Variants in GFOD2 observed in about 807,000 individuals in gnomAD.
GFOD2 encodes the protein Gfo/Idh/MocA-like oxidoreductase domain containing 2.
A neutral mutation model predicts 24.6 loss-of-function variants in GFOD2; 9 were observed. The observed-to-expected ratio is 0.37, with a 90% CI of 0.22 to 0.64. GFOD2 has a LOEUF of 0.64. Among genes scored for constraint, GFOD2 ranks in the 30% least tolerant of loss-of-function variants. The pLI, the probability that GFOD2 is intolerant of heterozygous loss-of-function variation, is 0.65. For synonymous variants in GFOD2, 211 were observed against 224.8 expected (o/e 0.94, Z 0.55); for missense variants, 476 against 532.5 (o/e 0.89, Z 1.04).
intron 1 of GFOD2, among the ~76,000 whole-genome samples, chr16:67,699,392 C>T (rs1268225087): frequency 6.6e-6 from 1 of 151,954 alleles, no homozygotes; most frequent in Non-Finnish European, 1.5e-5. Flanking sequence ...AAAAAATACA[C>T]CATGACCAAC....
At chr16:67,681,633 C>T in intron 2 of GFOD2, 1 of 723,148 alleles carries the variant, frequency 1.4e-6, no homozygotes, top group Non-Finnish European at 1.7e-6. Context: ...TGGTATTTAA[C>T]TCCTGAGTTC....
At chr16:67,699,652 T>G (rs2053386298) in intron 1 of GFOD2, among the ~76,000 whole-genome samples, 1 of 151,938 alleles carries the variant, frequency 6.6e-6, no homozygotes, top group African/African-American at 2.4e-5. Context: ...CCTGGCTAAT[T>G]TTTGTACATT....
At chr16:67,681,479 G>A in intron 2 of GFOD2, 2 of 892,870 alleles carry the variant, frequency 2.2e-6, no homozygotes, top group Non-Finnish European at 2.7e-6. Context: ...TATAATCTTG[G>A]CTCATTGCAA....
chr16:67,704,437 G>A (rs1356842078), intron 1 of GFOD2, among the ~76,000 whole-genome samples: 1 of 152,138 alleles, frequency 6.6e-6, no homozygotes, highest in Non-Finnish European at 1.5e-5. Context: ...TACAGATGAG[G>A]AAACTGAGGC....
At chr16:67,708,960 G>A (rs2053455679) in intron 1 of GFOD2, among the ~76,000 whole-genome samples, 1 of 152,164 alleles carries the variant, frequency 6.6e-6, no homozygotes, top group Non-Finnish European at 1.5e-5. Context: ...CCAGAGGTGA[G>A]GGTCACGGCC....
intron 1 of GFOD2, among the ~76,000 whole-genome samples, chr16:67,698,821 T>C (rs1366925130): frequency 1.3e-5 from 2 of 152,056 alleles, no homozygotes; most frequent in African/African-American, 4.8e-5. Context: ...GTAGGTAGGA[T>C]AGAGTTTAGG....
intron 1 of GFOD2, among the ~76,000 whole-genome samples, chr16:67,700,852 G>C (rs2053397670): frequency 6.7e-6 from 1 of 149,814 alleles, no homozygotes. Context: ...GGCCAACATG[G>C]TGAAACCCCG....
At chr16:67,692,228 TAA>T (rs58414730) in intron 1 of GFOD2, among the ~76,000 whole-genome samples, 19 of 109,300 alleles carry the variant, frequency 1.7e-4, no homozygotes, top group African/African-American at 1.3e-4. Flanking sequence ...ATGAACTTGG[TAA>T]AAAAAAAAAA....
chr16:67,691,762 G>A, intron 1 of GFOD2, among the ~76,000 whole-genome samples: 1 of 152,112 alleles, frequency 6.6e-6, no homozygotes, highest in East Asian at 1.9e-4. Flanking sequence ...CCACTGATTA[G>A]TGAATGAATA....
intron 1 of GFOD2, among the ~76,000 whole-genome samples, chr16:67,686,838 AAAAG>A (rs1022554854): frequency 1.4e-4 from 22 of 151,804 alleles, no homozygotes; most frequent in South Asian, 8.3e-4. Context: ...CTCTATCCAA[AAAAG>A]AAAGAAAGAA....
intron 1 of GFOD2, among the ~76,000 whole-genome samples, chr16:67,713,044 A>C (rs1337340593): frequency 7.0e-6 from 1 of 143,624 alleles, no homozygotes; most frequent in Admixed American, 6.7e-5. Flanking sequence ...CACCACACCC[A>C]GCTAATTTTT....
chr16:67,689,933 T>C (rs1400740366), intron 1 of GFOD2, among the ~76,000 whole-genome samples: 1 of 152,198 alleles, frequency 6.6e-6, no homozygotes, highest in Non-Finnish European at 1.5e-5. Flanking sequence ...AATCATGCGT[T>C]ATTTGTGCTT....
chr16:67,693,008 C>T (rs1164274955), intron 1 of GFOD2, among the ~76,000 whole-genome samples: 2 of 150,856 alleles, frequency 1.3e-5, no homozygotes, highest in African/African-American at 2.4e-5. Context: ...CCAGCCTGGG[C>T]GACAGATTGA....
rs1331229136 is a variant in GFOD2, at chr16:67,691,516, C to CA, written c.-87-5715_-87-5714insT. ...AGTCACACTGTGCCTAGACCCCCCC[C>CA]CAAAAAAAAAAAAATTAAGACTCTG... On this transcript the variant is annotated intron_variant, in intron 1 of 2. Transcript: ENST00000268797. Among the ~76,000 whole-genome samples, 2 of 147,834 alleles carry CA rather than the reference C, an allele frequency of 1.4e-5. 1 individual carries two copies. The highest frequency in any genetic ancestry group is 1.3e-4 in the Admixed American group (2 of 14,916).
chr16:67,703,443 A>AC (rs1360327103), intron 1 of GFOD2, among the ~76,000 whole-genome samples: 1 of 152,036 alleles, frequency 6.6e-6, no homozygotes, highest in African/African-American at 2.4e-5. Flanking sequence ...GGAAAAAAAA[A>AC]CCCTGTATTT....
intron 1 of GFOD2, among the ~76,000 whole-genome samples, chr16:67,693,117 A>C (rs1192230464): frequency 6.6e-6 from 1 of 152,134 alleles, no homozygotes; most frequent in East Asian, 1.9e-4. Flanking sequence ...TTTCAAACAC[A>C]AAGTGACAGA....
At chr16:67,700,711 C>CA (rs945834632) in intron 1 of GFOD2, among the ~76,000 whole-genome samples, 27 of 150,560 alleles carry the variant, frequency 1.8e-4, no homozygotes, top group African/African-American at 6.1e-4. Context: ...GACTCCATCT[C>CA]AAAAAAACAA....
chr16:67,676,049 A>G lies in GFOD2; in HGVS notation c.264T>C (p.Ile88=), dbSNP rs758580613. The G allele has an allele frequency of 6.2e-7, 1 of 1,603,238 alleles. No individual in the cohort carries two copies. Among genetic ancestry groups the G allele is most frequent in the African/African-American group, 1.3e-5 (1 of 74,748 alleles). The change falls in exon 3 of 3, where the codon ATT becomes ATC. Residue 88 remains isoleucine, a synonymous_variant. Coordinates refer to ENST00000268797, the MANE Select transcript of GFOD2 (RefSeq NM_030819.4). Reference sequence around the variant, plus strand: ...CCTTCTCGCAAACCACATTCTTCCCAATACCTAACAACAGGACACAACAGG... The same window carrying G: ...CCTTCTCGCAAACCACATTCTTCCCGATACCTAACAACAGGACACAACAGG... ...TRQISVKALG[I]GKNVVCEKAA...
At position 67,674,668 on chromosome 16, in the gene GFOD2, C is replaced by G. The variant is rs756899130; in HGVS notation, c.*487G>C. ...ACTTAATAAAGCAAGCCCCAGTCCC[C>G]ACCTGGGAAGGGCCTGGTCACATGG... is the stretch of plus-strand genomic sequence containing the variant. On this transcript the variant is annotated 3_prime_UTR_variant, in exon 3 of 3. Transcript: ENST00000268797. 6.4e-6 allele frequency: 1 copy of G among 155,520 alleles called. No homozygotes were observed. The allele number at this position is 155,520 out of a possible 1,614,324, so 9.6% of individuals were successfully genotyped here.
Sources: allele counts gnomAD v4.1 joint callset (sites outside exome capture counted in the v4.1 genomes callset), GRCh38; gene constraint gnomAD v4.1.1; transcripts MANE v1.5; gene names NCBI Gene and HGNC (gene_info 2026-07-23, HGNC 2026-07-21).